Variants in ARHGAP20 observed in about 807,000 individuals in gnomAD.
ARHGAP20 encodes rho GTPase-activating protein 20.
In ARHGAP20, 34 loss-of-function variants were observed where a neutral mutation model predicts 73.7. The observed-to-expected ratio is 0.46, with a 90% CI of 0.35 to 0.61. The LOEUF is 0.61. Ranked by LOEUF, ARHGAP20 falls within the 20% of genes least tolerant of loss-of-function variation. The probability of loss-of-function intolerance (pLI) is 0.00; values close to 1 mark genes in which losing one functional copy is unlikely to be tolerated. For missense variants in ARHGAP20, 1,314 were observed against 1,420.9 expected, an observed-to-expected ratio of 0.92 and a Z score of 1.21; for synonymous variants, 523 against 518.2, an observed-to-expected ratio of 1.01 and a Z score of -0.13.
intron 9 of ARHGAP20, among the ~76,000 whole-genome samples, chr11:110,602,162 C>T (rs1006095978): frequency 2.6e-5 from 4 of 152,034 alleles, no homozygotes; most frequent in Admixed American, 1.3e-4. Context: ...CTACAAATTG[C>T]AGTGACCCTG....
intron 2 of ARHGAP20, among the ~76,000 whole-genome samples, chr11:110,652,724 A>G (rs1409314158): frequency 6.6e-6 from 1 of 152,190 alleles, no homozygotes; most frequent in Non-Finnish European, 1.5e-5. Flanking sequence ...CCACTGCTCA[A>G]GGAAATCAGA....
At chr11:110,615,241 A>G (rs1243322426) in intron 5 of ARHGAP20, among the ~76,000 whole-genome samples, 2 of 152,204 alleles carry the variant, frequency 1.3e-5, no homozygotes, top group Non-Finnish European at 2.9e-5. Context: ...CTTTGAGGAA[A>G]CTGTTAGCTC....
intron 13 of ARHGAP20, 106 bp downstream of exon 13, chr11:110,583,442 C>T (rs887586508): frequency 4.4e-5 from 45 of 1,014,352 alleles, no homozygotes; most frequent in African/African-American, 1.8e-4. Context: ...TATAAGGATA[C>T]GGTATATTTA....
chr11:110,676,387 A>T (rs370571097), intron 2 of ARHGAP20, among the ~76,000 whole-genome samples: 2 of 152,220 alleles, frequency 1.3e-5, no homozygotes, highest in Admixed American at 6.5e-5. Flanking sequence ...GGGAGGCCTC[A>T]GGAAACTTAC....
chr11:110,711,784 C>A, intron 1 of ARHGAP20: 1 of 1,348,866 alleles, frequency 7.4e-7, no homozygotes, highest in South Asian at 1.8e-5. Flanking sequence ...GGCGAGGGGT[C>A]GGGGAAAGGC....
intron 2 of ARHGAP20, among the ~76,000 whole-genome samples, chr11:110,647,324 G>T (rs1382623244): frequency 3.3e-5 from 5 of 152,146 alleles, no homozygotes; most frequent in Admixed American, 3.3e-4. Context: ...ACAGGTTCAA[G>T]TACTGAGCCC....
chr11:110,642,721 C>G (rs542329916), intron 2 of ARHGAP20, among the ~76,000 whole-genome samples: 23 of 152,012 alleles, frequency 1.5e-4, no homozygotes, highest in African/African-American at 5.1e-4. Context: ...GTCTATGTTC[C>G]TCAAGGATAT....
At chr11:110,662,391 A>G (rs574641514) in intron 2 of ARHGAP20, among the ~76,000 whole-genome samples, 1 of 152,120 alleles carries the variant, frequency 6.6e-6, no homozygotes, top group Admixed American at 6.5e-5. Context: ...AGTTGGTAGC[A>G]TAATCACACA....
Position 110,689,611 on chromosome 11 carries a change from GC to G in ARHGAP20, c.188+935del, listed in dbSNP as rs1301565289. Among the ~76,000 whole-genome samples the G allele has an allele frequency of 2.0e-5, 3 of 152,250 alleles. No individual in the cohort carries two copies. The East Asian group carries it at 5.8e-4, about 29-fold the overall frequency. On this transcript the variant is annotated intron_variant, in intron 2 of 14. Coordinates refer to ENST00000683387, the MANE Select transcript of ARHGAP20 (RefSeq NM_001384657.1). ...GTCTATTGAAATGTTACAGTAGGTA[GC>G]TAGTCAGGTGTGAGCAGGGCAGGAA...
intron 9 of ARHGAP20, among the ~76,000 whole-genome samples, chr11:110,593,113 G>C (rs1947869426): frequency 6.6e-6 from 1 of 152,114 alleles, no homozygotes; most frequent in South Asian, 2.1e-4. Flanking sequence ...TTAACAGATA[G>C]AGCATCTGGC....
intron 1 of ARHGAP20, among the ~76,000 whole-genome samples, chr11:110,698,777 T>G (rs1273736779): frequency 6.6e-6 from 1 of 151,966 alleles, no homozygotes; most frequent in Non-Finnish European, 1.5e-5. Flanking sequence ...CCTTTATCAT[T>G]TCCGGTTGTA....
At chr11:110,611,695 T>C (rs546365321) in intron 6 of ARHGAP20, among the ~76,000 whole-genome samples, 2 of 152,292 alleles carry the variant, frequency 1.3e-5, no homozygotes, top group South Asian at 4.1e-4. Context: ...ATTAAAAAAA[T>C]AGATCAGTGA....
rs1465087255 is a variant in ARHGAP20, at chr11:110,606,578, G to A, written c.947C>T (p.Ala316Val). Residue 316 changes from alanine (A) to valine (V), a missense_variant, in exon 9 of 15, where the codon GCA becomes GTA. Physicochemically the swap from Ala to Val is moderately conservative, Grantham distance 64. Transcript: ENST00000683387. Reference sequence around the variant, plus strand: ...CAACTCACCACTCAGTTGCTGGGCTGCAGCCAGGCGGCTGGGCTTCAGGAT... The same window carrying A: ...CAACTCACCACTCAGTTGCTGGGCTACAGCCAGGCGGCTGGGCTTCAGGAT... ...QFILKPSRLAAAQQLSDSGHK... is the reference protein window; with the variant it reads ...QFILKPSRLAVAQQLSDSGHK... 1 of 1,609,882 alleles carries A rather than the reference G, an allele frequency of 6.2e-7. No individual in the cohort carries two copies. The highest frequency in any genetic ancestry group is 1.7e-5 in the Admixed American group (1 of 59,350).
At chr11:110,605,906 T>C (rs1362004258) in intron 9 of ARHGAP20, among the ~76,000 whole-genome samples, 1 of 151,778 alleles carries the variant, frequency 6.6e-6, no homozygotes, top group Non-Finnish European at 1.5e-5. Flanking sequence ...ATCTCACTCA[T>C]ACTTTTTGAT....
chr11:110,615,739 T>C, intron 4 of ARHGAP20, 145 bp from the exon 5 acceptor site: 1 of 703,156 alleles, frequency 1.4e-6, no homozygotes, highest in East Asian at 2.7e-5. Context: ...CTTGGCATAA[T>C]TGTGTTCTGG....
At chr11:110,685,470 C>T (rs940864765) in intron 2 of ARHGAP20, among the ~76,000 whole-genome samples, 8 of 150,634 alleles carry the variant, frequency 5.3e-5, no homozygotes, top group African/African-American at 1.7e-4. Context: ...AAACCACCTC[C>T]AGCAGCTCTG....
intron 2 of ARHGAP20, among the ~76,000 whole-genome samples, chr11:110,640,842 T>C (rs531571587): frequency 6.6e-6 from 1 of 152,212 alleles, no homozygotes; most frequent in African/African-American, 2.4e-5. Context: ...ACATGGCACA[T>C]GTATACATAT....
At chr11:110,627,994 A>G (rs1159978766) in intron 3 of ARHGAP20, among the ~76,000 whole-genome samples, 1 of 152,234 alleles carries the variant, frequency 6.6e-6, no homozygotes, top group Non-Finnish European at 1.5e-5. Flanking sequence ...TTCAGCAAAC[A>G]TTGTCGGCAT....
chr11:110,634,816 C>T (rs983420806), intron 2 of ARHGAP20, among the ~76,000 whole-genome samples: 1 of 152,088 alleles, frequency 6.6e-6, no homozygotes, highest in Non-Finnish European at 1.5e-5. Flanking sequence ...TGTGAGAACA[C>T]TCCAATCCTA....
Sources: allele counts gnomAD v4.1 joint callset (sites outside exome capture counted in the v4.1 genomes callset), GRCh38; gene constraint gnomAD v4.1.1; transcripts MANE v1.5; gene names NCBI Gene and HGNC (gene_info 2026-07-23, HGNC 2026-07-21).